Variants in ADAMTSL1 observed in about 807,000 individuals in gnomAD.
ADAMTSL1 encodes ADAMTS-like protein 1.
In ADAMTSL1, 126 loss-of-function variants were observed where a neutral mutation model predicts 201.8. That is an observed-to-expected ratio of 0.62 (90% CI 0.54 to 0.72). The LOEUF is 0.72. Among genes scored for constraint, ADAMTSL1 ranks in the 30% least tolerant of loss-of-function variants. The pLI is 0.00. For missense variants in ADAMTSL1, 2,679 were observed against 2,277.8 expected (o/e 1.18, Z -3.59); for synonymous variants, 1,121 against 903.4 (o/e 1.24, Z -4.32).
At chr9:18,315,377 G>A (rs1834343728) in intron 2 of ADAMTSL1, among the ~76,000 whole-genome samples, 1 of 152,070 alleles carries the variant, frequency 6.6e-6, no homozygotes, top group Admixed American at 6.5e-5. Flanking sequence ...CCAGGCGCCT[G>A]TACTCCTCAG....
intron 3 of ADAMTSL1, among the ~76,000 whole-genome samples, chr9:18,555,479 G>T (rs1821049853): frequency 6.6e-6 from 1 of 151,936 alleles, no homozygotes; most frequent in East Asian, 1.9e-4. Context: ...GTTGCAACTG[G>T]AAGGTCCTTA....
intron 18 of ADAMTSL1, 149 bp downstream of exon 18, chr9:18,776,045 G>C (rs1194350281): frequency 3.6e-6 from 4 of 1,115,300 alleles, no homozygotes; most frequent in Non-Finnish European, 5.0e-6. Flanking sequence ...GGAGAGCTCA[G>C]CTGGAGACGG....
intron 1 of ADAMTSL1, among the ~76,000 whole-genome samples, chr9:17,928,352 T>G (rs567325279): frequency 6.6e-6 from 1 of 152,308 alleles, no homozygotes; most frequent in Admixed American, 6.5e-5. Flanking sequence ...TCTAGTTTAC[T>G]ATTTTGGGAG....
intron 23 of ADAMTSL1, among the ~76,000 whole-genome samples, chr9:18,866,046 T>C (rs1309420648): frequency 1.4e-5 from 2 of 147,072 alleles, no homozygotes; most frequent in Non-Finnish European, 3.0e-5. Context: ...AGGTGTGGAA[T>C]ACATTATTAG....
intron 3 of ADAMTSL1, among the ~76,000 whole-genome samples, chr9:18,557,014 T>C (rs1390898710): frequency 1.3e-5 from 2 of 151,904 alleles, no homozygotes; most frequent in Non-Finnish European, 2.9e-5. Context: ...GATCTAGAAG[T>C]TGGAAAGAGA....
chr9:18,839,045 T>A (rs1825529375), intron 23 of ADAMTSL1, among the ~76,000 whole-genome samples: 1 of 150,102 alleles, frequency 6.7e-6, no homozygotes, highest in Admixed American at 6.6e-5. Flanking sequence ...AATTTTATTA[T>A]TATTATACTT....
At chr9:18,611,310 T>G (rs1407425774) in intron 4 of ADAMTSL1, among the ~76,000 whole-genome samples, 2 of 152,162 alleles carry the variant, frequency 1.3e-5, no homozygotes, top group Non-Finnish European at 2.9e-5. Flanking sequence ...TATAATTTTG[T>G]TTCGCATTCT....
chr9:18,327,141 T>C (rs2132885050), intron 2 of ADAMTSL1, among the ~76,000 whole-genome samples: 1 of 152,374 alleles, frequency 6.6e-6, no homozygotes, highest in South Asian at 2.1e-4. Context: ...TCATTTTTAG[T>C]TATATGCAGC....
chr9:18,303,438 G>C (rs1833780896), intron 2 of ADAMTSL1, among the ~76,000 whole-genome samples: 1 of 152,138 alleles, frequency 6.6e-6, no homozygotes, highest in African/African-American at 2.4e-5. Flanking sequence ...CAGGGAAAGG[G>C]GAACATAAGC....
intron 2 of ADAMTSL1, among the ~76,000 whole-genome samples, chr9:18,183,579 A>G (rs1828596614): frequency 6.6e-6 from 1 of 152,198 alleles, no homozygotes; most frequent in Non-Finnish European, 1.5e-5. Context: ...TACCTCACCA[A>G]AGAAAATATA....
chr9:18,728,376 G>A (rs1818022589), intron 15 of ADAMTSL1, among the ~76,000 whole-genome samples: 1 of 152,026 alleles, frequency 6.6e-6, no homozygotes, highest in Non-Finnish European at 1.5e-5. Flanking sequence ...TAGACTCTGG[G>A]AAATGTCTTT....
At chr9:18,870,496 C>G (rs149224672) in intron 23 of ADAMTSL1, among the ~76,000 whole-genome samples, 2 of 152,256 alleles carry the variant, frequency 1.3e-5, no homozygotes, top group East Asian at 3.9e-4. Context: ...TGGGGTCTGC[C>G]TGCTAAAAAT....
chr9:18,556,398 A>C (rs1338119965), intron 3 of ADAMTSL1, among the ~76,000 whole-genome samples: 2 of 152,020 alleles, frequency 1.3e-5, no homozygotes, highest in Non-Finnish European at 2.9e-5. Flanking sequence ...ATTAAGTGGA[A>C]AGCTTTATTA....
intron 1 of ADAMTSL1, among the ~76,000 whole-genome samples, chr9:18,480,339 C>T (rs1010491331): frequency 2.0e-5 from 3 of 151,950 alleles, no homozygotes; most frequent in African/African-American, 7.3e-5. Context: ...AGGCCTGATC[C>T]CTCAGCCTAT....
At chr9:18,504,994 A>G in intron 2 of ADAMTSL1, 38 bp downstream of exon 2, 1 of 1,579,184 alleles carries the variant, frequency 6.3e-7, no homozygotes, top group African/African-American at 1.4e-5. Flanking sequence ...TGTGAGAACC[A>G]GAGGTAGCCG....
chr9:18,296,917 A>C (rs1027924248), intron 2 of ADAMTSL1, among the ~76,000 whole-genome samples: 8 of 152,220 alleles, frequency 5.3e-5, no homozygotes, highest in African/African-American at 1.9e-4. Flanking sequence ...AGGCTTAAAC[A>C]ATAGTTGCTG....
At position 18,342,760 on chromosome 9, in the gene ADAMTSL1, A is replaced by T. The variant is rs565553405; in HGVS notation, c.208-162069A>T. On this transcript the variant is annotated intron_variant, in intron 2 of 29. Coordinates refer to the ADAMTSL1 transcript ENST00000680146. ...ACTGGTTGTTTATTTCTGAGTCTTC[A>T]TTTGCTTTAAGTTATAATATTTAAC... Among the ~76,000 whole-genome samples, 7 of 152,182 alleles carry T rather than the reference A, an allele frequency of 4.6e-5. No individual in the cohort carries two copies. In the South Asian group the frequency reaches 1.4e-3, roughly 32 times the overall value.
intron 2 of ADAMTSL1, among the ~76,000 whole-genome samples, chr9:18,416,359 T>TA (rs1818676519): frequency 6.6e-6 from 1 of 151,260 alleles, no homozygotes; most frequent in African/African-American, 2.4e-5. Flanking sequence ...CTGATAGACC[T>TA]AAAAAAGAGA....
At chr9:18,501,697 A>T (rs1822855334) in intron 1 of ADAMTSL1, among the ~76,000 whole-genome samples, 1 of 152,222 alleles carries the variant, frequency 6.6e-6, no homozygotes, top group Non-Finnish European at 1.5e-5. Flanking sequence ...TGGCACAGTT[A>T]AAAAGCAGAA....
Sources: gnomAD v4.1 joint callset for allele counts (sites outside exome capture counted in the v4.1 genomes callset) on GRCh38, gnomAD v4.1.1 for gene constraint, MANE v1.5 for transcripts, NCBI Gene and HGNC (gene_info 2026-07-23, HGNC 2026-07-21) for gene names.